TTC27: variants seen among roughly 807,000 people sequenced by gnomAD.
TTC27 encodes tetratricopeptide repeat domain 27.
TTC27 carries 79 observed loss-of-function variants against 115.9 expected under a neutral mutation model. That is an observed-to-expected ratio of 0.68 (90% confidence interval 0.57 to 0.82). The LOEUF (loss-of-function observed/expected upper bound fraction) is 0.82, where lower values mean the gene tolerates loss of function less well. Ranked by LOEUF, TTC27 falls within the 40% of genes least tolerant of loss-of-function variation. TTC27 has a pLI of 0.00. For synonymous variants in TTC27, 401 were observed against 356.0 expected, an observed-to-expected ratio of 1.13 and a Z score of -1.42; for missense variants, 1,054 against 993.1, an observed-to-expected ratio of 1.06 and a Z score of -0.82.
chr2:32,653,777 A>T (rs1665221184), intron 5 of TTC27, among the ~76,000 whole-genome samples: 1 of 152,212 alleles, frequency 6.6e-6, no homozygotes, highest in Non-Finnish European at 1.5e-5. Flanking sequence ...TAATCTCGTG[A>T]GAAGAGATTT....
chr2:32,663,980 TC>T (rs1342001061), intron 5 of TTC27, among the ~76,000 whole-genome samples: 1 of 145,390 alleles, frequency 6.9e-6, no homozygotes, highest in Non-Finnish European at 1.5e-5. Context: ...ACTGCGCCCG[TC>T]CCCCCACTAT....
chr2:32,768,795 A>AT (rs1339638994), intron 13 of TTC27, among the ~76,000 whole-genome samples: 2 of 152,220 alleles, frequency 1.3e-5, no homozygotes, highest in Non-Finnish European at 2.9e-5. Flanking sequence ...GGACTTACAC[A>AT]TTGGGCTGGC....
At chr2:32,668,793 A>T (rs1047064182) in intron 7 of TTC27, among the ~76,000 whole-genome samples, 7 of 151,774 alleles carry the variant, frequency 4.6e-5, no homozygotes, top group Admixed American at 3.9e-4. Flanking sequence ...TATTTTAAAA[A>T]TTTTGGCTGG....
chr2:32,756,439 T>C (rs893308760), intron 12 of TTC27, among the ~76,000 whole-genome samples: 2 of 152,240 alleles, frequency 1.3e-5, no homozygotes, highest in African/African-American at 2.4e-5. Flanking sequence ...ACTTTATGTT[T>C]ATTTTGACTG....
intron 14 of TTC27, 51 bp downstream of exon 14, chr2:32,778,031 GT>G (rs1670056876): frequency 6.4e-7 from 1 of 1,568,744 alleles, no homozygotes; most frequent in Non-Finnish European, 8.8e-7. Flanking sequence ...TCTCTAAGTT[GT>G]TGAAATTGTA....
intron 4 of TTC27, among the ~76,000 whole-genome samples, chr2:32,641,864 T>A (rs968650183): frequency 6.6e-6 from 1 of 151,788 alleles, no homozygotes; most frequent in African/African-American, 2.4e-5. Flanking sequence ...TTTTATTTAT[T>A]TATTTTTTTG....
At chr2:32,815,910 A>G (rs897470286) in intron 18 of TTC27, among the ~76,000 whole-genome samples, 1 of 152,212 alleles carries the variant, frequency 6.6e-6, no homozygotes, top group Non-Finnish European at 1.5e-5. Context: ...TTACTCTAAG[A>G]TAGGAATGTC....
At chr2:32,783,710 A>G (rs1291207914) in intron 15 of TTC27, among the ~76,000 whole-genome samples, 2 of 152,252 alleles carry the variant, frequency 1.3e-5, no homozygotes, top group Non-Finnish European at 1.5e-5. Flanking sequence ...ACTAGAGTGG[A>G]AAAAGAAGGG....
intron 16 of TTC27, among the ~76,000 whole-genome samples, chr2:32,792,272 G>A (rs530412312): frequency 5.3e-5 from 8 of 152,266 alleles, no homozygotes; most frequent in Admixed American, 2.0e-4. Flanking sequence ...TGCATTACCC[G>A]AAAGTAAAGA....
intron 12 of TTC27, among the ~76,000 whole-genome samples, chr2:32,754,830 C>G (rs1432365280): frequency 6.9e-6 from 1 of 145,690 alleles, no homozygotes; most frequent in Non-Finnish European, 1.5e-5. Flanking sequence ...GGGGCTGACC[C>G]CCCCCACCTC....
intron 9 of TTC27, among the ~76,000 whole-genome samples, chr2:32,700,035 A>G (rs896211098): frequency 1.3e-5 from 2 of 152,182 alleles, no homozygotes; most frequent in African/African-American, 2.4e-5. Context: ...GCACTGCACC[A>G]TTGTTGCTAG....
intron 9 of TTC27, among the ~76,000 whole-genome samples, chr2:32,683,484 C>T (rs1387825583): frequency 6.6e-6 from 1 of 152,046 alleles, no homozygotes; most frequent in East Asian, 1.9e-4. Flanking sequence ...GAAATTTTTG[C>T]CAGTGTTTTC....
chr2:32,695,697 T>G (rs1338829981), intron 9 of TTC27, among the ~76,000 whole-genome samples: 1 of 114,020 alleles, frequency 8.8e-6, no homozygotes, highest in East Asian at 2.8e-4. Flanking sequence ...CCAGCCTGGG[T>G]GACAGAGCAA....
At chr2:32,754,600 C>T (rs926787361) in intron 12 of TTC27, among the ~76,000 whole-genome samples, 6 of 150,240 alleles carry the variant, frequency 4.0e-5, no homozygotes, top group Non-Finnish European at 7.4e-5. Flanking sequence ...CACCTTTCCC[C>T]CTTTTCTATT....
intron 16 of TTC27, among the ~76,000 whole-genome samples, chr2:32,790,792 T>C (rs1335816773): frequency 6.6e-6 from 1 of 152,140 alleles, no homozygotes; most frequent in East Asian, 1.9e-4. Context: ...ATTATAGATG[T>C]GCTACTGATG....
At chr2:32,654,276 T>C (rs1478098836) in intron 5 of TTC27, among the ~76,000 whole-genome samples, 1 of 152,218 alleles carries the variant, frequency 6.6e-6, no homozygotes, top group African/African-American at 2.4e-5. Flanking sequence ...AACATTTCTA[T>C]AGTGTATACA....
At chr2:32,671,576 G>A (rs1666017954) in intron 7 of TTC27, among the ~76,000 whole-genome samples, 1 of 152,152 alleles carries the variant, frequency 6.6e-6, no homozygotes, top group Non-Finnish European at 1.5e-5. Context: ...CTGTCTTTAT[G>A]CCAGTACTAT....
At position 32,775,069 on chromosome 2, in the gene TTC27, C is replaced by A. The variant is rs574677557; in HGVS notation, c.1681-2813C>A. Among the ~76,000 whole-genome samples, 4 of 152,308 alleles carry A rather than the reference C, an allele frequency of 2.6e-5. No individual in the cohort carries two copies. The East Asian group carries it at 7.7e-4, about 29-fold the overall frequency. On this transcript the variant is annotated intron_variant, in intron 13 of 19. Transcript: ENST00000317907. ...TTTAAAAATTAAAAATAAAAGATAA[C>A]CTCATCACCAGTCTGTTTTAGAGCT...
intron 16 of TTC27, among the ~76,000 whole-genome samples, chr2:32,794,043 C>T (rs61520492): frequency 5.9e-4 from 90 of 152,198 alleles, no homozygotes; most frequent in African/African-American, 2.0e-3. Context: ...GTGACATCAA[C>T]AACCAAAAGG....
Sources: gnomAD v4.1 joint callset for allele counts (sites outside exome capture counted in the v4.1 genomes callset) on GRCh38, gnomAD v4.1.1 for gene constraint, MANE v1.5 for transcripts, NCBI Gene and HGNC (gene_info 2026-07-23, HGNC 2026-07-21) for gene names.